PLBD1: variants seen among roughly 807,000 people sequenced by gnomAD.
PLBD1 encodes lysosomal leucine aminopeptidase.
In PLBD1, 60 loss-of-function variants were observed where a neutral mutation model predicts 63.0. The ratio of observed to expected loss-of-function variants is 0.95; its 90% CI spans 0.77 to 1.18. The LOEUF (loss-of-function observed/expected upper bound fraction) is 1.18, where lower values mean the gene tolerates loss of function less well. Ranked by LOEUF, PLBD1 falls within the 50% of genes most tolerant of loss-of-function variation. The probability of loss-of-function intolerance (pLI) is 0.00; values close to 1 mark genes in which losing one functional copy is unlikely to be tolerated. For synonymous variants in PLBD1, 262 were observed against 248.0 expected (o/e 1.06, Z -0.53); for missense variants, 598 against 677.9 (o/e 0.88, Z 1.31).
At chr12:14,553,067 T>TC in intron 2 of PLBD1, 126 bp downstream of exon 2, 1 of 865,468 alleles carries the variant, frequency 1.2e-6, no homozygotes, top group Non-Finnish European at 1.8e-6. Context: ...AATGTCTCTA[T>TC]CACACATGTG....
intron 2 of PLBD1, among the ~76,000 whole-genome samples, chr12:14,545,073 C>G (rs1332781495): frequency 6.6e-6 from 1 of 152,080 alleles, no homozygotes; most frequent in Non-Finnish European, 1.5e-5. Context: ...GTCCTAGGAA[C>G]CAGGTCTTAC....
At chr12:14,561,776 G>C (rs932647753) in intron 1 of PLBD1, among the ~76,000 whole-genome samples, 1 of 152,058 alleles carries the variant, frequency 6.6e-6, no homozygotes, top group Non-Finnish European at 1.5e-5. Flanking sequence ...GGCTGGTCTC[G>C]AACTCTCAAC....
At chr12:14,564,763 C>T (rs1226142750) in intron 1 of PLBD1, among the ~76,000 whole-genome samples, 1 of 152,272 alleles carries the variant, frequency 6.6e-6, no homozygotes, top group South Asian at 2.1e-4. Flanking sequence ...GATTCTGAAC[C>T]AGTTTTACCA....
At chr12:14,522,426 A>C (rs926189968) in intron 6 of PLBD1, among the ~76,000 whole-genome samples, 1 of 152,176 alleles carries the variant, frequency 6.6e-6, no homozygotes, top group Non-Finnish European at 1.5e-5. Context: ...GAGTTCTACC[A>C]AACATTAAAG....
At chr12:14,542,494 C>T (rs1289462933) in intron 2 of PLBD1, among the ~76,000 whole-genome samples, 1 of 152,062 alleles carries the variant, frequency 6.6e-6, no homozygotes, top group African/African-American at 2.4e-5. Flanking sequence ...TGAAAACACC[C>T]CAAGTATTCA....
In PLBD1 at chr12:14,566,518, T is replaced by C. The variant is rs542507616; in HGVS notation, c.115+1064A>G. Among the ~76,000 whole-genome samples, 134 of 152,340 alleles carry C rather than the reference T, an allele frequency of 8.8e-4. 1 individual carries two copies. Among genetic ancestry groups the C allele is most frequent in the South Asian group, 7.7e-3 (37 of 4,830 alleles). On this transcript the variant is annotated intron_variant, in intron 1 of 10. Coordinates refer to ENST00000240617, the MANE Select transcript of PLBD1 (RefSeq NM_024829.6). ...TTTAGAATTCTTTCAAGTCCCTTAG[T>C]TACAGTTCATAATCTTCACCTCCTT... is the stretch of plus-strand genomic sequence containing the variant.
At chr12:14,520,050 A>G (rs1945363861) in intron 6 of PLBD1, among the ~76,000 whole-genome samples, 1 of 152,218 alleles carries the variant, frequency 6.6e-6, no homozygotes, top group Non-Finnish European at 1.5e-5. Context: ...GAATGTGGGA[A>G]ATGCCAGGGA....
chr12:14,555,153 C>T (rs897035552), intron 1 of PLBD1, among the ~76,000 whole-genome samples: 1 of 152,188 alleles, frequency 6.6e-6, no homozygotes, highest in African/African-American at 2.4e-5. Flanking sequence ...ACCTTTAATC[C>T]ATTCTTCGTT....
intron 10 of PLBD1, among the ~76,000 whole-genome samples, chr12:14,504,823 T>A (rs1157528863): frequency 6.6e-6 from 1 of 152,222 alleles, no homozygotes; most frequent in Non-Finnish European, 1.5e-5. Flanking sequence ...TTTCCCCATA[T>A]TCAAAATGAC....
At chr12:14,513,941 T>G (rs1218964733) in intron 6 of PLBD1, among the ~76,000 whole-genome samples, 3 of 151,938 alleles carry the variant, frequency 2.0e-5, no homozygotes, top group Admixed American at 6.6e-5. Context: ...CACCACGCCC[T>G]GCTAATTTTT....
chr12:14,553,522 T>G (rs1015536714), intron 1 of PLBD1, 110 bp from the exon 2 acceptor site: 9 of 889,586 alleles, frequency 1.0e-5, no homozygotes, highest in Middle Eastern at 2.4e-4. Flanking sequence ...ATTTCCATTC[T>G]ATTAGAATTG....
chr12:14,523,654 A>C (rs1404415767), intron 6 of PLBD1, among the ~76,000 whole-genome samples: 1 of 152,178 alleles, frequency 6.6e-6, no homozygotes, highest in Non-Finnish European at 1.5e-5. Flanking sequence ...AGACAGAATA[A>C]AAAATACAGA....
chr12:14,539,907 T>A (rs1458544483), intron 4 of PLBD1, among the ~76,000 whole-genome samples: 1 of 148,488 alleles, frequency 6.7e-6, no homozygotes, highest in Non-Finnish European at 1.5e-5. Context: ...TACACACATA[T>A]ATACACAGAC....
chr12:14,549,168 G>A (rs1393270321), intron 2 of PLBD1, among the ~76,000 whole-genome samples: 2 of 152,084 alleles, frequency 1.3e-5, no homozygotes, highest in Non-Finnish European at 2.9e-5. Context: ...AATAGAACTG[G>A]AACAATAGAA....
intron 6 of PLBD1, among the ~76,000 whole-genome samples, chr12:14,523,497 C>T (rs188635150): frequency 6.6e-6 from 1 of 152,050 alleles, no homozygotes; most frequent in Admixed American, 6.6e-5. Flanking sequence ...GTGTATGGAA[C>T]CTCAAAAGAC....
intron 1 of PLBD1, among the ~76,000 whole-genome samples, chr12:14,559,477 C>T (rs1418177140): frequency 2.0e-5 from 3 of 152,120 alleles, no homozygotes; most frequent in Non-Finnish European, 4.4e-5. Context: ...CATCAGAGCA[C>T]TCATTCACAG....
rs1196669951 is a variant in PLBD1 at position 14,554,015 on chromosome 12, A to C, written c.116-603T>G. ...AGACAAGAATAGGGCTCTTGTCCCT[A>C]GTCAGCAACTTCTTCCATTCCCCTT... On this transcript the variant is annotated intron_variant, in intron 1 of 10. Transcript: ENST00000240617. The C allele has an allele frequency of 1.9e-5, 3 of 154,226 alleles. No homozygotes were observed. The East Asian group carries it at 5.7e-4, about 30-fold the overall frequency. 9.6% of individuals were successfully genotyped at this position (154,226 alleles called of 1,614,324 possible).
chr12:14,522,420 T>A (rs1945383778), intron 6 of PLBD1, among the ~76,000 whole-genome samples: 1 of 151,972 alleles, frequency 6.6e-6, no homozygotes, highest in African/African-American at 2.4e-5. Flanking sequence ...ACTGATGAGT[T>A]CTACCAAACA....
At chr12:14,555,532 C>G (rs1185722827) in intron 1 of PLBD1, among the ~76,000 whole-genome samples, 1 of 152,140 alleles carries the variant, frequency 6.6e-6, no homozygotes, top group Non-Finnish European at 1.5e-5. Context: ...GTGCGAAACT[C>G]TGTCTCAAAA....
Sources: allele counts gnomAD v4.1 joint callset (sites outside exome capture counted in the v4.1 genomes callset), GRCh38; gene constraint gnomAD v4.1.1; transcripts MANE v1.5; gene names NCBI Gene and HGNC (gene_info 2026-07-23, HGNC 2026-07-21).